AKAP6: variants seen among roughly 807,000 people sequenced by gnomAD.
The protein encoded by AKAP6 is A-kinase anchor protein 6.
AKAP6 carries 58 observed loss-of-function variants against 188.5 expected under a neutral mutation model. The ratio of observed to expected loss-of-function variants is 0.31; its 90% CI spans 0.25 to 0.38. The LOEUF (loss-of-function observed/expected upper bound fraction) is 0.38. AKAP6 is among the 10% of genes least tolerant of loss of function. The probability of loss-of-function intolerance (pLI) is 1.00; values close to 1 mark genes in which losing one functional copy is unlikely to be tolerated. For missense variants in AKAP6, 2,710 were observed against 2,740.0 expected (o/e 0.99, Z 0.24); for synonymous variants, 989 against 998.6 (o/e 0.99, Z 0.18).
At chr14:32,613,917 C>A (rs1202373567) in intron 7 of AKAP6, among the ~76,000 whole-genome samples, 2 of 152,122 alleles carry the variant, frequency 1.3e-5, no homozygotes, top group African/African-American at 4.8e-5. Context: ...TATGACTGAA[C>A]AGAAAACAAA....
At position 32,546,325 on chromosome 14, in the gene AKAP6, A is replaced by G. The variant is rs35210906; in HGVS notation, c.1672A>G (p.Asn558Asp). The G allele has an allele frequency of 8.6e-3, 13,962 of 1,614,198 alleles. 88 individuals are homozygous for G. The highest frequency in any genetic ancestry group is 9.9e-3 in the Non-Finnish European group (11,665 of 1,180,026). The change falls in exon 4 of 14, where the codon AAT becomes GAT. Residue 558 changes from asparagine to aspartate, a missense_variant. Physicochemically the swap from Asn to Asp is conservative, Grantham distance 23. This residue lies in a region of AKAP6 where 2,473 missense variants were observed against 2,426.1 expected (regional missense o/e 1.02). Transcript: ENST00000280979. ...SASTSSLEPC[N>D]QRSWNAKLQL... ...TTCCACATCCTCACTTGAGCCTTGT[A>G]ATCAGAGAAGTTGGAATGCCAAATT...
At chr14:32,631,186 A>C (rs1470034992) in intron 7 of AKAP6, among the ~76,000 whole-genome samples, 3 of 152,012 alleles carry the variant, frequency 2.0e-5, no homozygotes, top group Non-Finnish European at 4.4e-5. Flanking sequence ...CATATGAAAT[A>C]CCTCATCTGT....
chr14:32,620,221 G>A (rs1886758080), intron 7 of AKAP6, among the ~76,000 whole-genome samples: 1 of 152,142 alleles, frequency 6.6e-6, no homozygotes, highest in African/African-American at 2.4e-5. Flanking sequence ...AGTGGTGAAA[G>A]TGGGCATTTT....
chr14:32,705,184 A>T (rs975654876), intron 9 of AKAP6, among the ~76,000 whole-genome samples: 1 of 152,186 alleles, frequency 6.6e-6, no homozygotes, highest in Non-Finnish European at 1.5e-5. Context: ...TAGCTGCATT[A>T]CCAACTGACC....
At chr14:32,388,612 T>C (rs1411824663) in intron 1 of AKAP6, among the ~76,000 whole-genome samples, 1 of 152,112 alleles carries the variant, frequency 6.6e-6, no homozygotes, top group East Asian at 1.9e-4. Flanking sequence ...TTTGATCCAA[T>C]GATCACTCAG....
intron 3 of AKAP6, among the ~76,000 whole-genome samples, chr14:32,540,168 C>CTCTCTCTCTTTATATATA (rs1240063339): frequency 1.6e-5 from 1 of 60,956 alleles, no homozygotes; most frequent in African/African-American, 9.8e-5. Context: ...CTCTCTCTCT[C>CTCTCTCTCTTTATATATA]TATATATATA....
rs7154738 is a variant in AKAP6, at chr14:32,617,508, C to G, written c.2730+16716C>G. Among the ~76,000 whole-genome samples the G allele has an allele frequency of 3.5e-3, 532 of 152,334 alleles. 4 individuals carry two copies. Among genetic ancestry groups the G allele is most frequent in the African/African-American group, 0.012 (489 of 41,570 alleles). On this transcript the variant is annotated intron_variant, in intron 7 of 13. Coordinates refer to ENST00000280979, the MANE Select transcript of AKAP6 (RefSeq NM_004274.5). ...GAACCATTTCCTGTTCATTGTTCTG[C>G]ACACTGCAATGCTCAGCGTAATATA... is the stretch of plus-strand genomic sequence containing the variant.
chr14:32,791,773 A>G (rs1363973682), intron 12 of AKAP6, among the ~76,000 whole-genome samples: 1 of 152,170 alleles, frequency 6.6e-6, no homozygotes, highest in Non-Finnish European at 1.5e-5. Context: ...TTAAGCCTTT[A>G]ATCCTTCTTG....
At chr14:32,437,380 C>G (rs768482127) in intron 2 of AKAP6, among the ~76,000 whole-genome samples, 21 of 152,176 alleles carry the variant, frequency 1.4e-4, no homozygotes, top group Non-Finnish European at 2.8e-4. Flanking sequence ...TTTCACACTG[C>G]TGGTTCTAAG....
At chr14:32,494,431 C>A (rs943885010) in intron 2 of AKAP6, 3 of 152,122 alleles carry the variant, frequency 2.0e-5, no homozygotes, top group African/African-American at 7.2e-5. Context: ...AATTTCTTTT[C>A]TTTTCTGCAA....
At chr14:32,493,307 G>T (rs1423012922) in intron 2 of AKAP6, among the ~76,000 whole-genome samples, 4 of 151,944 alleles carry the variant, frequency 2.6e-5, no homozygotes, top group Non-Finnish European at 5.9e-5. Context: ...CCAGGGCTTG[G>T]GCAGTCCTCC....
intron 2 of AKAP6, among the ~76,000 whole-genome samples, chr14:32,463,648 G>C (rs1417222558): frequency 6.6e-6 from 1 of 152,100 alleles, no homozygotes; most frequent in Non-Finnish European, 1.5e-5. Context: ...GGATAAGGCA[G>C]GAAAGATCTA....
chr14:32,811,334 T>G (rs564779629), intron 12 of AKAP6, among the ~76,000 whole-genome samples: 5 of 151,912 alleles, frequency 3.3e-5, no homozygotes, highest in African/African-American at 1.2e-4. Context: ...CAACATTTTA[T>G]TTTTTTTCTC....
At chr14:32,685,641 A>G (rs1378959053) in intron 8 of AKAP6, among the ~76,000 whole-genome samples, 1 of 149,508 alleles carries the variant, frequency 6.7e-6, no homozygotes, top group African/African-American at 2.5e-5. Flanking sequence ...GGAGAATGAC[A>G]TGAACCCTGG....
At chr14:32,701,912 T>TA (rs907131892) in intron 9 of AKAP6, among the ~76,000 whole-genome samples, 3 of 151,756 alleles carry the variant, frequency 2.0e-5, no homozygotes, top group Non-Finnish European at 2.9e-5. Flanking sequence ...ATTAACTTTT[T>TA]AAAAAAAAAT....
At chr14:32,491,901 C>A (rs1297021967) in intron 2 of AKAP6, among the ~76,000 whole-genome samples, 1 of 152,126 alleles carries the variant, frequency 6.6e-6, no homozygotes, top group African/African-American at 2.4e-5. Flanking sequence ...TTAACTAAAT[C>A]ATTTTAATTG....
At chr14:32,332,723 G>A (rs1216386340) in intron 1 of AKAP6, among the ~76,000 whole-genome samples, 1 of 152,062 alleles carries the variant, frequency 6.6e-6, no homozygotes, top group Non-Finnish European at 1.5e-5. Context: ...GAGAACAGAA[G>A]CAGAAACTTC....
At chr14:32,499,507 C>G (rs1880497556) in intron 2 of AKAP6, among the ~76,000 whole-genome samples, 1 of 151,740 alleles carries the variant, frequency 6.6e-6, no homozygotes, top group South Asian at 2.1e-4. Flanking sequence ...TGATTTTAGT[C>G]TTATGTAGAC....
At chr14:32,724,360 T>C (rs1013463486) in intron 9 of AKAP6, among the ~76,000 whole-genome samples, 3 of 152,196 alleles carry the variant, frequency 2.0e-5, no homozygotes, top group Non-Finnish European at 4.4e-5. Flanking sequence ...TCTCCGTGCT[T>C]CTAAATGATT....
Sources: allele counts gnomAD v4.1 joint callset (sites outside exome capture counted in the v4.1 genomes callset), GRCh38; gene constraint gnomAD v4.1.1; regional missense constraint gnomAD v4.1.1; transcripts MANE v1.5; gene names NCBI Gene and HGNC (gene_info 2026-07-23, HGNC 2026-07-21).